Variants in NEURL1 observed in about 807,000 individuals in gnomAD.
The protein encoded by NEURL1 is E3 ubiquitin-protein ligase NEURL1.
Under a neutral mutation model 41.2 loss-of-function variants are expected in NEURL1, and 26 were observed. That is an observed-to-expected ratio of 0.63 (90% CI 0.46 to 0.87). The LOEUF (loss-of-function observed/expected upper bound fraction) is 0.87. Among genes scored for constraint, NEURL1 ranks in the 40% least tolerant of loss-of-function variants. NEURL1 has a pLI of 0.00. For synonymous variants in NEURL1, 400 were observed against 402.3 expected, an observed-to-expected ratio of 0.99 and a Z score of 0.07; for missense variants, 761 against 871.1, an observed-to-expected ratio of 0.87 and a Z score of 1.59.
chr10:103,523,638 T>C (rs987317485), intron 1 of NEURL1, among the ~76,000 whole-genome samples: 1 of 152,184 alleles, frequency 6.6e-6, no homozygotes, highest in African/African-American at 2.4e-5. Context: ...TACTATTCTG[T>C]TCTCTACCTC....
At position 103,503,147 on chromosome 10, in the gene NEURL1, C is replaced by T. The variant is rs185850884; in HGVS notation, c.85+8675C>T. 8.5e-3 allele frequency among the ~76,000 whole-genome samples: 1,302 copies of T among 152,336 alleles called. 15 individuals are homozygous for T. Among genetic ancestry groups the T allele is most frequent in the African/African-American group, 0.029 (1,199 of 41,566 alleles). ...AAGGCCCTGTGGAGCCTGTGGGTCC[C>T]GCCTGGCCAGACCAGAGGCGCTAAT... On this transcript the variant is annotated intron_variant, in intron 1 of 5. Transcript: ENST00000369780.
At chr10:103,527,725 C>A (rs1469523227) in intron 1 of NEURL1, among the ~76,000 whole-genome samples, 1 of 152,136 alleles carries the variant, frequency 6.6e-6, no homozygotes, top group Non-Finnish European at 1.5e-5. Flanking sequence ...TTTACCCAGG[C>A]CCTGTTGAAG....
intron 1 of NEURL1, among the ~76,000 whole-genome samples, chr10:103,513,240 C>G (rs2034115916): frequency 6.6e-6 from 1 of 152,258 alleles, no homozygotes; most frequent in South Asian, 2.1e-4. Context: ...CAGAGACAAG[C>G]AGGCACATTT....
chr10:103,504,252 G>C (rs1167752064), intron 1 of NEURL1, among the ~76,000 whole-genome samples: 2 of 151,952 alleles, frequency 1.3e-5, no homozygotes, highest in African/African-American at 4.8e-5. Context: ...CGGCCTCCCA[G>C]AGTGCTGGGA....
chr10:103,498,872 T>C (rs967272333), intron 1 of NEURL1, among the ~76,000 whole-genome samples: 1 of 152,246 alleles, frequency 6.6e-6, no homozygotes, highest in Non-Finnish European at 1.5e-5. Flanking sequence ...TGCACCTTTT[T>C]TCCTTTTGTG....
intron 1 of NEURL1, among the ~76,000 whole-genome samples, chr10:103,530,596 A>G (rs2034550040): frequency 6.6e-6 from 1 of 151,192 alleles, no homozygotes; most frequent in African/African-American, 2.4e-5. Context: ...GCTGGAGTGC[A>G]GTGGCACGAT....
chr10:103,538,495 CG>C (rs1258570174), intron 1 of NEURL1, among the ~76,000 whole-genome samples: 3 of 148,986 alleles, frequency 2.0e-5, no homozygotes, highest in Non-Finnish European at 3.0e-5. Flanking sequence ...CACTTGAGCC[CG>C]GGAGGCAGAG....
intron 1 of NEURL1, among the ~76,000 whole-genome samples, chr10:103,522,741 CG>C (rs1283490366): frequency 6.6e-6 from 1 of 151,872 alleles, no homozygotes; most frequent in Admixed American, 6.6e-5. Context: ...CCAAAACACA[CG>C]AATTTGCATT....
At chr10:103,501,269 AG>A (rs1282858327) in intron 1 of NEURL1, among the ~76,000 whole-genome samples, 2 of 152,182 alleles carry the variant, frequency 1.3e-5, no homozygotes, top group African/African-American at 4.8e-5. Context: ...TTATTTCAAC[AG>A]CACCAACAGT....
intron 1 of NEURL1, chr10:103,555,405 C>T (rs778871014): frequency 7.4e-7 from 1 of 1,360,108 alleles, no homozygotes; most frequent in South Asian, 1.1e-5. Flanking sequence ...ACCCGGAGCA[C>T]TCTCCACGGT....
intron 1 of NEURL1, among the ~76,000 whole-genome samples, chr10:103,560,236 C>T (rs1288499184): frequency 6.6e-6 from 1 of 152,192 alleles, no homozygotes; most frequent in Non-Finnish European, 1.5e-5. Context: ...GCTGCACTTC[C>T]CCTCATTCTC....
At chr10:103,541,653 C>T (rs1277183984) in intron 1 of NEURL1, among the ~76,000 whole-genome samples, 3 of 152,158 alleles carry the variant, frequency 2.0e-5, no homozygotes, top group Non-Finnish European at 4.4e-5. Context: ...GTCCACCCTG[C>T]AGTGGAAGAT....
intron 2 of NEURL1, 22 bp downstream of exon 2, chr10:103,571,135 G>A (rs1041575956): frequency 8.3e-5 from 129 of 1,554,528 alleles, no homozygotes; most frequent in Non-Finnish European, 9.8e-5. Context: ...CCCTGCCCCC[G>A]CCCCCGCCTC....
intron 1 of NEURL1, chr10:103,494,834 G>A (rs763105573): frequency 1.2e-5 from 3 of 255,136 alleles, no homozygotes; most frequent in Non-Finnish European, 2.2e-5. Flanking sequence ...CACCTCGATG[G>A]GTCTCCTTTC....
Position 103,529,226 on chromosome 10 carries a change from T to A in NEURL1, c.85+34754T>A, listed in dbSNP as rs139917656. ...TGTAGAAGTGCAGCAAGAATAATTA[T>A]TTGCCATATAGGCACCTTTTAAAAT... On this transcript the variant is annotated intron_variant, in intron 1 of 5. Transcript: ENST00000369780. 2.5e-4 allele frequency among the ~76,000 whole-genome samples: 38 copies of A among 152,338 alleles called. 1 individual carries two copies. In the East Asian group the frequency reaches 6.7e-3, roughly 27 times the overall value.
intron 1 of NEURL1, among the ~76,000 whole-genome samples, chr10:103,539,146 G>A (rs2034765329): frequency 6.6e-6 from 1 of 151,374 alleles, no homozygotes; most frequent in East Asian, 2.0e-4. Context: ...AGGGTTTTGT[G>A]ATGTTGCCCA....
At chr10:103,536,488 G>C (rs1026265373) in intron 1 of NEURL1, among the ~76,000 whole-genome samples, 27 of 152,312 alleles carry the variant, frequency 1.8e-4, no homozygotes, top group African/African-American at 6.5e-4. Flanking sequence ...AGGTTGCAGT[G>C]AGCCGAGATT....
intron 1 of NEURL1, among the ~76,000 whole-genome samples, chr10:103,507,835 C>T (rs1470816908): frequency 6.6e-6 from 1 of 152,168 alleles, no homozygotes; most frequent in Non-Finnish European, 1.5e-5. Context: ...CTGCCAGGGA[C>T]CTGCAGCCCT....
chr10:103,559,823 A>G (rs780427864), intron 1 of NEURL1, among the ~76,000 whole-genome samples: 2 of 151,422 alleles, frequency 1.3e-5, no homozygotes, highest in African/African-American at 2.4e-5. Context: ...TGTGCTTGCC[A>G]GTGCATGCAC....
Sources: allele counts gnomAD v4.1 joint callset (sites outside exome capture counted in the v4.1 genomes callset), GRCh38; gene constraint gnomAD v4.1.1; transcripts MANE v1.5; gene names NCBI Gene and HGNC (gene_info 2026-07-23, HGNC 2026-07-21).